The following PLPPR1 variants were observed in gnomAD, a reference collection of about 807,000 sequenced individuals.
The protein encoded by PLPPR1 is phospholipid phosphatase related 1.
PLPPR1 carries 10 observed loss-of-function variants against 33.1 expected under a neutral mutation model. That is an observed-to-expected ratio of 0.30 (90% confidence interval 0.19 to 0.51). The LOEUF is 0.51. Among genes scored for constraint, PLPPR1 ranks in the 20% least tolerant of loss-of-function variants. PLPPR1 has a pLI of 0.97. For missense variants in PLPPR1, 304 were observed against 408.1 expected, an observed-to-expected ratio of 0.74 and a Z score of 2.20; for synonymous variants, 151 against 151.0, an observed-to-expected ratio of 1.00 and a Z score of 0.00.
chr9:101,312,762 C>A (rs974618655), intron 5 of PLPPR1, 36 bp from the exon 6 acceptor site: 2 of 1,593,616 alleles, frequency 1.3e-6, no homozygotes, highest in Non-Finnish European at 1.7e-6. Context: ...CACAAGGCAG[C>A]TGCCTGGTCA....
chr9:101,220,122 A>G (rs1445960262), intron 2 of PLPPR1, among the ~76,000 whole-genome samples: 1 of 152,166 alleles, frequency 6.6e-6, no homozygotes, highest in African/African-American at 2.4e-5. Context: ...TAGGATGTAG[A>G]GCAGTATCCT....
rs551999890 is a variant in PLPPR1, at chr9:101,213,848, A to G, written c.63+28291A>G. 3.5e-4 allele frequency among the ~76,000 whole-genome samples: 54 copies of G among 152,350 alleles called. 1 individual carries two copies. The highest frequency in any genetic ancestry group is 3.4e-3 in the Middle Eastern group (1 of 294). On this transcript the variant is annotated intron_variant, in intron 2 of 7. Coordinates refer to ENST00000374874, the MANE Select transcript of PLPPR1 (RefSeq NM_207299.2). ...GTATCATTGTCTTAATGTAATTCACATAAGGTTAAATACTGAAAGAAATAA... is the reference window on the plus strand; with the variant it reads ...GTATCATTGTCTTAATGTAATTCACGTAAGGTTAAATACTGAAAGAAATAA...
At chr9:101,299,482 G>A (rs1828708259) in intron 4 of PLPPR1, among the ~76,000 whole-genome samples, 1 of 152,158 alleles carries the variant, frequency 6.6e-6, no homozygotes, top group Admixed American at 6.5e-5. Context: ...TCAGTGCAGG[G>A]ACTGAATCTA....
intron 4 of PLPPR1, among the ~76,000 whole-genome samples, chr9:101,294,044 GAT>G (rs1828570587): frequency 6.6e-6 from 1 of 152,100 alleles, no homozygotes; most frequent in Non-Finnish European, 1.5e-5. Context: ...CAACAAAATT[GAT>G]AGACCGCTAG....
intron 4 of PLPPR1, among the ~76,000 whole-genome samples, chr9:101,297,260 A>G (rs891095080): frequency 6.6e-6 from 1 of 152,238 alleles, no homozygotes; most frequent in Admixed American, 6.5e-5. Context: ...GCTATCCAGA[A>G]CGATGGCCAA....
At chr9:101,176,437 C>T (rs535864580) in intron 1 of PLPPR1, among the ~76,000 whole-genome samples, 9 of 152,290 alleles carry the variant, frequency 5.9e-5, no homozygotes, top group Admixed American at 3.9e-4. Flanking sequence ...GGCACTCCTA[C>T]GCGTTCCTCA....
intron 3 of PLPPR1, among the ~76,000 whole-genome samples, chr9:101,280,094 T>C (rs972196415): frequency 7.3e-5 from 11 of 151,716 alleles, no homozygotes; most frequent in African/African-American, 2.4e-4. Context: ...AAATCAGAGA[T>C]GAAAAAAGAG....
chr9:101,151,141 A>G (rs1374035470), intron 1 of PLPPR1, among the ~76,000 whole-genome samples: 3 of 152,174 alleles, frequency 2.0e-5, no homozygotes, highest in Non-Finnish European at 2.9e-5. Context: ...AAATCAGATG[A>G]AAAGAAAGCC....
intron 1 of PLPPR1, among the ~76,000 whole-genome samples, chr9:101,072,033 A>T (rs1830487628): frequency 6.6e-6 from 1 of 152,192 alleles, no homozygotes. Context: ...TTTGGAGAAG[A>T]TACACATGAT....
intron 4 of PLPPR1, among the ~76,000 whole-genome samples, chr9:101,290,126 G>C (rs528373690): frequency 2.6e-5 from 4 of 152,070 alleles, no homozygotes; most frequent in African/African-American, 9.7e-5. Context: ...TTACAATAAA[G>C]ACTCTTTAAA....
chr9:101,282,776 G>A (rs1828326638), intron 3 of PLPPR1, among the ~76,000 whole-genome samples: 2 of 152,010 alleles, frequency 1.3e-5, no homozygotes, highest in Admixed American at 6.6e-5. Context: ...CTGAAAAAAA[G>A]TAAATAATAA....
At chr9:101,032,555 A>G (rs143501957) in intron 1 of PLPPR1, among the ~76,000 whole-genome samples, 2 of 152,284 alleles carry the variant, frequency 1.3e-5, no homozygotes, top group Non-Finnish European at 2.9e-5. Context: ...TAAGGCATTC[A>G]CAGTGGCATC....
In PLPPR1 at chr9:101,125,735, T is replaced by A. The variant is rs1338661049; in HGVS notation, c.-45-59715T>A. The stretch of plus-strand genomic sequence containing the variant: ...AACATAACCAATATTTTCAATGAAT[T>A]TGTGGTTATAATTGATGACCACTGA... On this transcript the variant is annotated intron_variant, in intron 1 of 7. Coordinates refer to ENST00000374874, the MANE Select transcript of PLPPR1 (RefSeq NM_207299.2). 4.9e-6 allele frequency: 4 copies of A among 812,338 alleles called. No homozygotes were observed. In the East Asian group the frequency reaches 8.8e-5, roughly 18 times the overall value. 50.3% of individuals were successfully genotyped at this position (812,338 alleles called of 1,614,324 possible). A position where few individuals can be genotyped will look rare whatever the true frequency, so the allele number is the denominator to read the frequency against.
At chr9:101,046,798 T>C (rs1364915692) in intron 1 of PLPPR1, among the ~76,000 whole-genome samples, 1 of 152,200 alleles carries the variant, frequency 6.6e-6, no homozygotes, top group East Asian at 1.9e-4. Flanking sequence ...CTCAGTGTTT[T>C]CTCAACTCTT....
intron 4 of PLPPR1, among the ~76,000 whole-genome samples, chr9:101,301,139 T>C (rs1410658290): frequency 2.6e-5 from 4 of 152,218 alleles, no homozygotes; most frequent in Admixed American, 2.6e-4. Flanking sequence ...TTATCCTTCA[T>C]CTTCACTTAT....
intron 1 of PLPPR1, among the ~76,000 whole-genome samples, chr9:101,155,243 A>T (rs1831663551): frequency 6.6e-6 from 1 of 152,156 alleles, no homozygotes; most frequent in Non-Finnish European, 1.5e-5. Context: ...AGTCCTGCTG[A>T]ACTGGAGAAA....
At chr9:101,042,372 G>C (rs1374938755) in intron 1 of PLPPR1, among the ~76,000 whole-genome samples, 1 of 152,098 alleles carries the variant, frequency 6.6e-6, no homozygotes, top group Non-Finnish European at 1.5e-5. Context: ...GCTGAGATGA[G>C]GGTTTCTTTT....
chr9:101,058,781 CAATT>C (rs769636820), intron 1 of PLPPR1, among the ~76,000 whole-genome samples: 7 of 152,058 alleles, frequency 4.6e-5, no homozygotes, highest in Non-Finnish European at 8.8e-5. Flanking sequence ...GTAATAACAA[CAATT>C]AAGTTCCAAA....
chr9:101,097,813 A>G (rs1355351272), intron 1 of PLPPR1, among the ~76,000 whole-genome samples: 1 of 152,186 alleles, frequency 6.6e-6, no homozygotes, highest in African/African-American at 2.4e-5. Flanking sequence ...TCAGGATGCC[A>G]GGAAGAGGTA....
Sources: gnomAD v4.1 joint callset for allele counts (sites outside exome capture counted in the v4.1 genomes callset) on GRCh38, gnomAD v4.1.1 for gene constraint, MANE v1.5 for transcripts, NCBI Gene and HGNC (gene_info 2026-07-23, HGNC 2026-07-21) for gene names.